Variants in ADGRG4 observed in about 807,000 individuals in gnomAD.
ADGRG4 encodes adhesion G protein-coupled receptor G4.
Under a neutral mutation model 126.2 loss-of-function variants are expected in ADGRG4, and 122 were observed. The ratio of observed to expected loss-of-function variants is 0.97; its 90% CI spans 0.83 to 1.12. The LOEUF (loss-of-function observed/expected upper bound fraction) is 1.12. Ranked by LOEUF, ADGRG4 falls within the 50% of genes most tolerant of loss-of-function variation. The probability of loss-of-function intolerance (pLI) is 0.00; values close to 1 mark genes in which losing one functional copy is unlikely to be tolerated. For missense variants in ADGRG4, 2,481 were observed against 2,251.8 expected (o/e 1.10, Z -2.06); for synonymous variants, 943 against 838.7 (o/e 1.12, Z -2.15).
At chrX:136,305,792 A>G (rs2074729747) in intron 3 of ADGRG4, among the ~76,000 whole-genome samples, 1 of 112,025 alleles carries the variant, frequency 8.9e-6, no homozygotes, top group Non-Finnish European at 1.9e-5. Flanking sequence ...AATATATCCA[A>G]TTTAATTAAA....
chrX:136,309,208 G>A (rs1281062118), intron 4 of ADGRG4, among the ~76,000 whole-genome samples: 1 of 112,343 alleles, frequency 8.9e-6, no homozygotes, highest in Non-Finnish European at 1.9e-5. Flanking sequence ...GCTGTCTGAA[G>A]CATTGTGATA....
chrX:136,396,403 A>ATT (rs1307325946), intron 19 of ADGRG4, among the ~76,000 whole-genome samples: 17 of 100,596 alleles, frequency 1.7e-4, no homozygotes, highest in African/African-American at 6.1e-4. Flanking sequence ...ATATATATAT[A>ATT]TTTTTTTTTT....
chrX:136,306,147 G>A (rs1318068712), intron 3 of ADGRG4: 1 of 111,468 alleles, frequency 9.0e-6, no homozygotes, highest in Non-Finnish European at 1.9e-5. Flanking sequence ...GAAGTTAAAA[G>A]AGTCCAGTTC....
chrX:136,403,352 G>T, intron 22 of ADGRG4, 30 bp downstream of exon 22: 1 of 1,097,079 alleles, frequency 9.1e-7, no homozygotes, highest in Non-Finnish European at 1.3e-6. Context: ...TTTCTCTGGT[G>T]GTGGGGCTCT....
At chrX:136,312,518 C>T (rs996785170) in intron 4 of ADGRG4, among the ~76,000 whole-genome samples, 2 of 111,270 alleles carry the variant, frequency 1.8e-5, no homozygotes, top group African/African-American at 3.3e-5. Flanking sequence ...TCCAGCTACT[C>T]GGGAGACTGA....
At chrX:136,351,338 C>T (rs565004432) in intron 6 of ADGRG4, 109 bp from the exon 7 acceptor site, 11 of 378,804 alleles carry the variant, frequency 2.9e-5, no homozygotes, top group African/African-American at 2.4e-4. Context: ...AGGCATGAGA[C>T]GTTATTATTT....
At chrX:136,386,211 T>G (rs2075291883) in intron 15 of ADGRG4, among the ~76,000 whole-genome samples, 1 of 112,123 alleles carries the variant, frequency 8.9e-6, no homozygotes, top group African/African-American at 3.2e-5. Context: ...TGTTGTTATA[T>G]GCAGGAGAGT....
At chrX:136,311,394 TACACACACAC>T (rs72201867) in intron 4 of ADGRG4, among the ~76,000 whole-genome samples, 2 of 95,629 alleles carry the variant, frequency 2.1e-5, no homozygotes. Flanking sequence ...TCATACCATG[TACACACACAC>T]ACACACACAC....
At chrX:136,335,220 G>T (rs2074941555) in intron 5 of ADGRG4, among the ~76,000 whole-genome samples, 1 of 111,028 alleles carries the variant, frequency 9.0e-6, no homozygotes, top group Non-Finnish European at 1.9e-5. Context: ...TGCATATTTG[G>T]AATAGATCCC....
intron 5 of ADGRG4, among the ~76,000 whole-genome samples, chrX:136,342,879 AGTGTGTGTGT>A (rs58303622): frequency 1.1e-4 from 10 of 87,377 alleles, no homozygotes; most frequent in East Asian, 3.7e-4. Context: ...AAGAGAGCTC[AGTGTGTGTGT>A]GTGTGTGTGT....
chrX:136,313,335 G>T (rs186923470), intron 4 of ADGRG4, among the ~76,000 whole-genome samples: 2 of 111,775 alleles, frequency 1.8e-5, no homozygotes, highest in Admixed American at 1.9e-4. Flanking sequence ...CTATCTTTTT[G>T]ATCATAGCCA....
intron 15 of ADGRG4, among the ~76,000 whole-genome samples, chrX:136,383,678 A>G (rs1485482262): frequency 6.3e-5 from 7 of 110,979 alleles, no homozygotes. Context: ...TTGAGCTACC[A>G]TTTTATTTTA....
Position 136,414,455 on chromosome X carries a change from C to T in ADGRG4, c.9205+128C>T, listed in dbSNP as rs1051047330. The T allele has an allele frequency of 2.1e-5, 11 of 530,050 alleles. No homozygotes were observed. The Admixed American group carries it at 3.7e-4, about 18-fold the overall frequency. The allele number at this position is 530,050 out of a possible 1,213,427, so 43.7% of individuals were successfully genotyped here. A position where few individuals can be genotyped will look rare whatever the true frequency, so the allele number is the denominator to read the frequency against. On this transcript the variant is annotated intron_variant, in intron 25 of 25. Transcript: ENST00000394143. ...AATGCACATGTGCATGTGTATACCT[C>T]GACTCATTCTTGGCTGAGAAAGTGT...
chrX:136,329,386 T>C (rs374553461), intron 5 of ADGRG4, among the ~76,000 whole-genome samples: 34 of 112,135 alleles, frequency 3.0e-4, no homozygotes, highest in African/African-American at 1.1e-3. Context: ...CTCCCAATGA[T>C]TACAATAATA....
intron 13 of ADGRG4, among the ~76,000 whole-genome samples, chrX:136,370,686 G>A (rs764266419): frequency 8.1e-5 from 9 of 111,705 alleles, no homozygotes; most frequent in Non-Finnish European, 1.1e-4. Context: ...GAGAAAATGC[G>A]ATTATCCATT....
rs2075193894 is a variant in ADGRG4, at chrX:136,371,483, A to C, written c.7552A>C (p.Ile2518Leu). Reference protein sequence around the residue: ...MNLTHVMLQIINVVLEKQNNS... With the variant: ...MNLTHVMLQILNVVLEKQNNS... ...CCTAACTCATGTTATGTTACAAATA[A>C]TCAACGTTGTTTTGGAAAAGCAAAA... The change falls in exon 14 of 26, where the codon ATC becomes CTC. Residue 2518 changes from isoleucine (I) to leucine (L), a missense_variant. Transcript: ENST00000394143. 8.3e-7 allele frequency: 1 copy of C among 1,200,706 alleles called. No homozygotes were observed. The highest frequency in any genetic ancestry group is 2.2e-5 in the Admixed American group (1 of 44,921).
rs2074751606 is a variant in ADGRG4 at position 136,308,985 on chromosome X, A to G, written c.70+138A>G. The G allele has an allele frequency of 4.4e-5, 19 of 433,909 alleles. No homozygotes were observed. The South Asian group carries it at 6.5e-4, about 15-fold the overall frequency. 35.8% of individuals were successfully genotyped at this position (433,909 alleles called of 1,213,427 possible). Reference sequence around the variant, plus strand: ...GTCACCTTTTGGTCAATATGGCTACAGAAGAAGCTGAAGCATCAGTAAGTG... The same window carrying G: ...GTCACCTTTTGGTCAATATGGCTACGGAAGAAGCTGAAGCATCAGTAAGTG... On this transcript the variant is annotated intron_variant, in intron 4 of 25. Transcript: ENST00000394143.
chrX:136,306,463 A>G (rs1352805779), intron 3 of ADGRG4, among the ~76,000 whole-genome samples: 1 of 111,324 alleles, frequency 9.0e-6, no homozygotes, highest in Non-Finnish European at 1.9e-5. Context: ...ACAGAATCAC[A>G]GGAAGTATAA....
chrX:136,385,138 G>A (rs2075286290), intron 15 of ADGRG4, among the ~76,000 whole-genome samples: 1 of 111,103 alleles, frequency 9.0e-6, no homozygotes, highest in Non-Finnish European at 1.9e-5. Context: ...TCTTCCAAAA[G>A]GATCATTTAT....
Sources: allele counts gnomAD v4.1 joint callset (sites outside exome capture counted in the v4.1 genomes callset), GRCh38; gene constraint gnomAD v4.1.1; transcripts MANE v1.5; gene names NCBI Gene and HGNC (gene_info 2026-07-23, HGNC 2026-07-21).